RAB3IL1: variants seen among roughly 807,000 people sequenced by gnomAD.
The protein encoded by RAB3IL1 is guanine nucleotide exchange factor for Rab-3A.
A neutral mutation model predicts 49.2 loss-of-function variants in RAB3IL1; 37 were observed. The ratio of observed to expected loss-of-function variants is 0.75; its 90% CI spans 0.58 to 0.99. RAB3IL1 has a LOEUF of 0.99. RAB3IL1 is among the 50% of genes least tolerant of loss of function. RAB3IL1 has a pLI of 0.00. For missense variants in RAB3IL1, 484 were observed against 513.0 expected, an observed-to-expected ratio of 0.94 and a Z score of 0.55; for synonymous variants, 193 against 213.9, an observed-to-expected ratio of 0.90 and a Z score of 0.85.
the RAB3IL1 span, among the ~76,000 whole-genome samples, chr11:61,929,663 G>A: frequency 2.8e-4 from 42 of 149,868 alleles, no homozygotes; most frequent in Admixed American, 8.7e-4. Context: ...TTAGCTCACT[G>A]CAAACTCTGC....
chr11:61,919,636 TCTG>T (rs1449712005), upstream of RAB3IL1, among the ~76,000 whole-genome samples: 20 of 152,128 alleles, frequency 1.3e-4, no homozygotes, highest in Non-Finnish European at 2.9e-5. Flanking sequence ...ATGCTAGGTG[TCTG>T]GCCAGTGGCA....
At chr11:61,945,742 G>A in the RAB3IL1 span, 1 of 983,776 alleles carries the variant, frequency 1.0e-6, no homozygotes. Flanking sequence ...GGTGGGGGTG[G>A]GTGGAAGGTG....
chr11:61,898,457 G>A lies in RAB3IL1; in HGVS notation c.1067-97C>T, dbSNP rs1488177913. The A allele has an allele frequency of 2.0e-5, 20 of 1,024,134 alleles. No homozygotes were observed. The highest frequency in any genetic ancestry group is 2.9e-5 in the Non-Finnish European group (19 of 662,702). The allele number at this position is 1,024,134 out of a possible 1,614,324, so 63.4% of individuals were successfully genotyped here. A position where few individuals can be genotyped will look rare whatever the true frequency, so the allele number is the denominator to read the frequency against. ...CCTGTGGCTTTGGACAGAGCAGCTG[G>A]CACAGCACCCTAGGGTCCCCGGCCC... is the stretch of plus-strand genomic sequence containing the variant. On this transcript the variant is annotated intron_variant, in intron 9 of 9. Transcript: ENST00000394836. The surrounding 1 kb of genome is among the most constrained non-coding windows in gnomAD (Gnocchi z 5.1).
At chr11:61,915,665 T>C (rs1939646379) in intron 1 of RAB3IL1, among the ~76,000 whole-genome samples, 1 of 152,054 alleles carries the variant, frequency 6.6e-6, no homozygotes, top group African/African-American at 2.4e-5. Flanking sequence ...CCTCAAGCAC[T>C]TTCTCCTAAG....
chr11:61,941,727 G>C, the RAB3IL1 span, among the ~76,000 whole-genome samples: 1 of 151,232 alleles, frequency 6.6e-6, no homozygotes, highest in South Asian at 2.1e-4. Context: ...ACTCCAGCCT[G>C]GGCAGCAGAG....
At chr11:61,932,769 ATTTTTTTT>A in the RAB3IL1 span, among the ~76,000 whole-genome samples, 1 of 134,048 alleles carries the variant, frequency 7.5e-6, no homozygotes, top group Non-Finnish European at 1.6e-5. Context: ...ACTATAGTTC[ATTTTTTTT>A]TTTTTTTTTT....
In RAB3IL1 at chr11:61,906,914, G is replaced by A. The variant is rs2136040200; in HGVS notation, c.439-230C>T. ...CCTGCCCAAGGTCACTCTGTGAGCA[G>A]GATTCTGTTAGGAACAAGTGTCTGG... On this transcript the variant is annotated intron_variant, in intron 4 of 9. Coordinates refer to ENST00000394836, the MANE Select transcript of RAB3IL1 (RefSeq NM_013401.4). The surrounding 1 kb of genome is among the most constrained non-coding windows in gnomAD (Gnocchi z 4.6). Among the ~76,000 whole-genome samples, 1 of 152,364 alleles carries A rather than the reference G, an allele frequency of 6.6e-6. No individual in the cohort carries two copies. Among genetic ancestry groups the A allele is most frequent in the Admixed American group, 6.5e-5 (1 of 15,312 alleles).
rs1466757984 is a variant in RAB3IL1, at chr11:61,917,500, C to G, written c.-133G>C. ...CCTGTCAGCCCTGCCCGCGGCCGGTCAGTAGGTCTCAGACGCCTGGGCTCG... is the reference window on the plus strand; with the variant it reads ...CCTGTCAGCCCTGCCCGCGGCCGGTGAGTAGGTCTCAGACGCCTGGGCTCG... On this transcript the variant is annotated 5_prime_UTR_variant, in exon 1 of 10. Transcript: ENST00000394836. The G allele has an allele frequency of 2.6e-6, 3 of 1,133,208 alleles. No individual in the cohort carries two copies. The highest frequency in any genetic ancestry group is 2.2e-6 in the Non-Finnish European group (2 of 926,038). The allele number at this position is 1,133,208 out of a possible 1,614,324, so 70.2% of individuals were successfully genotyped here. A position where few individuals can be genotyped will look rare whatever the true frequency, so the allele number is the denominator to read the frequency against.
At chr11:61,937,722 C>A in the RAB3IL1 span, among the ~76,000 whole-genome samples, 1 of 150,776 alleles carries the variant, frequency 6.6e-6, no homozygotes, top group Non-Finnish European at 1.5e-5. Flanking sequence ...CAATAGAAGG[C>A]AATAATGAAG....
chr11:61,904,477 G>C, intron 7 of RAB3IL1, 69 bp downstream of exon 7: 1 of 1,428,302 alleles, frequency 7.0e-7, no homozygotes, highest in Non-Finnish European at 9.7e-7. Context: ...CCACCCCTCG[G>C]CACAGTAAAC....
rs758065648 is a variant in RAB3IL1, at chr11:61,906,451, G to A, written c.657+15C>T. On this transcript the variant is annotated intron_variant, in intron 5 of 9. Transcript: ENST00000394836. This position sits in a 1 kb window ranked among gnomAD's most constrained non-coding sequence, Gnocchi z 4.6. The stretch of plus-strand genomic sequence containing the variant: ...CCACCCTTCCCCGTGCCCAGAGCCC[G>A]CTTCCCACCCTCACCTCCTTGCCCT... 125 of 1,539,248 alleles carry A rather than the reference G, an allele frequency of 8.1e-5. No individual in the cohort carries two copies. Among genetic ancestry groups the A allele is most frequent in the Admixed American group, 7.1e-4 (36 of 50,964 alleles).
At chr11:61,907,311 G>A in intron 4 of RAB3IL1, 82 bp downstream of exon 4, 12 of 1,444,652 alleles carry the variant, frequency 8.3e-6, no homozygotes, top group East Asian at 2.3e-5. Context: ...GCGTCCACTC[G>A]GGCAGCAAAG....
chr11:61,904,500 G>A (rs752636377), intron 7 of RAB3IL1, 46 bp downstream of exon 7: 42 of 1,531,858 alleles, frequency 2.7e-5, no homozygotes, highest in South Asian at 3.5e-5. Flanking sequence ...ACGGCTTGGC[G>A]GGGCTTTCCC....
the RAB3IL1 span, among the ~76,000 whole-genome samples, chr11:61,945,074 C>A: frequency 6.6e-6 from 1 of 152,164 alleles, no homozygotes; most frequent in Non-Finnish European, 1.5e-5. Flanking sequence ...GGAAGCCCAG[C>A]CAGTCTGCAT....
In RAB3IL1 at chr11:61,908,071, G is replaced by T; in HGVS notation, c.247C>A (p.Leu83Met). 6.2e-7 allele frequency: 1 copy of T among 1,611,314 alleles called. No individual in the cohort carries two copies. The highest frequency in any genetic ancestry group is 8.5e-7 in the Non-Finnish European group (1 of 1,179,264). The change falls in exon 2 of 10, where the codon CTG (leucine) becomes ATG (methionine). Residue 83 changes from leucine (L) to methionine (M), a missense_variant. By Grantham distance (15) the Leu-to-Met change is conservative (BLOSUM62 2). Coordinates refer to ENST00000394836, the MANE Select transcript of RAB3IL1 (RefSeq NM_013401.4). ...GCACCCACCTTCTGCGCTCTGTGCA[G>T]CTCCTCCTTCAGGAACTCGGAGCCC... is the stretch of plus-strand genomic sequence containing the variant. ...EKGSEFLKEELHRAQKELKLK... is the reference protein window; with the variant it reads ...EKGSEFLKEEMHRAQKELKLK...
At chr11:61,905,234 T>C (rs1939126024) in intron 5 of RAB3IL1, among the ~76,000 whole-genome samples, 1 of 152,004 alleles carries the variant, frequency 6.6e-6, no homozygotes, top group Non-Finnish European at 1.5e-5. Flanking sequence ...TACCAGCAGG[T>C]ACACAAGCAC....
intron 8 of RAB3IL1, among the ~76,000 whole-genome samples, chr11:61,901,171 C>T (rs1281307056): frequency 1.3e-5 from 2 of 152,304 alleles, no homozygotes; most frequent in Middle Eastern, 3.4e-3. Flanking sequence ...TGCTCCCCTG[C>T]GAGGAGCCTC....
At chr11:61,930,319 A>T in the RAB3IL1 span, among the ~76,000 whole-genome samples, 1 of 152,170 alleles carries the variant, frequency 6.6e-6, no homozygotes, top group South Asian at 2.1e-4. Context: ...GAGATGGATA[A>T]TGGTTGCACA....
At chr11:61,936,622 G>A in the RAB3IL1 span, among the ~76,000 whole-genome samples, 7 of 152,278 alleles carry the variant, frequency 4.6e-5, no homozygotes, top group East Asian at 1.9e-4. Context: ...GATCACAGGC[G>A]TAAGCCACCA....
Sources: allele counts gnomAD v4.1 joint callset (sites outside exome capture counted in the v4.1 genomes callset), GRCh38; gene constraint gnomAD v4.1.1; non-coding constraint Gnocchi (gnomAD v3.1); transcripts MANE v1.5; gene names NCBI Gene and HGNC (gene_info 2026-07-23, HGNC 2026-07-21).